The following ATL2 variants were observed in gnomAD, a reference collection of about 807,000 sequenced individuals.
ATL2 encodes the protein atlastin-2.
In ATL2, 31 loss-of-function variants were observed where a neutral mutation model predicts 73.9. The ratio of observed to expected loss-of-function variants is 0.42; its 90% confidence interval spans 0.32 to 0.57. ATL2 has a LOEUF of 0.57. Among genes scored for constraint, ATL2 ranks in the 20% least tolerant of loss-of-function variants. The pLI is 0.14. For missense variants in ATL2, 738 were observed against 702.6 expected (o/e 1.05, Z -0.57); for synonymous variants, 291 against 237.5 (o/e 1.23, Z -2.07).
rs1666872253 is a variant in ATL2 at position 38,296,013 on chromosome 2, G to A, written c.1733C>T (p.Ala578Val). The A allele has an allele frequency of 2.6e-6, 4 of 1,550,682 alleles. No homozygotes were observed. The highest frequency in any genetic ancestry group is 3.5e-6 in the Non-Finnish European group (4 of 1,145,906). ...GAACTGTCAGTCTGTCTTTAATCTG[G>A]CATGATGAGACACCTGGTCAGTCAG... ...AGLTDQVSHH[A>V]RLKTD Residue 578 changes from alanine to valine, a missense_variant, in exon 13 of 13, where the codon GCC becomes GTC. Coordinates refer to ENST00000378954, the MANE Select transcript of ATL2 (RefSeq NM_001135673.4).
intron 2 of ATL2, among the ~76,000 whole-genome samples, chr2:38,320,839 CA>C (rs1483046599): frequency 1.3e-5 from 2 of 152,048 alleles, no homozygotes; most frequent in East Asian, 3.9e-4. Context: ...GTGGCAAAAA[CA>C]AAAACAAAAA....
chr2:38,314,331 T>A (rs1387365390), intron 6 of ATL2, among the ~76,000 whole-genome samples: 1 of 152,232 alleles, frequency 6.6e-6, no homozygotes, highest in Non-Finnish European at 1.5e-5. Context: ...TATTTCCTAT[T>A]GTCTTAAGTT....
chr2:38,365,368 G>C (rs1291598748), intron 1 of ATL2, among the ~76,000 whole-genome samples: 1 of 151,868 alleles, frequency 6.6e-6, no homozygotes, highest in Non-Finnish European at 1.5e-5. Context: ...TTTAAAAAAA[G>C]AGAAGGCCGG....
chr2:38,340,668 A>G (rs1669664363), intron 2 of ATL2, among the ~76,000 whole-genome samples: 1 of 152,212 alleles, frequency 6.6e-6, no homozygotes, highest in Admixed American at 6.5e-5. Context: ...ATACAGGTTA[A>G]TAAAATAAAT....
intron 2 of ATL2, among the ~76,000 whole-genome samples, chr2:38,335,644 T>C (rs1669314262): frequency 6.6e-6 from 1 of 151,894 alleles, no homozygotes; most frequent in African/African-American, 2.4e-5. Flanking sequence ...GGAAATGCTG[T>C]CTTGTTCTGA....
intron 2 of ATL2, among the ~76,000 whole-genome samples, chr2:38,334,451 C>A (rs1022085944): frequency 6.6e-6 from 1 of 151,806 alleles, no homozygotes; most frequent in African/African-American, 2.4e-5. Context: ...CCTGTAATCC[C>A]AGCACTTTGG....
chr2:38,369,472 G>C (rs1558461680), intron 1 of ATL2, among the ~76,000 whole-genome samples: 1 of 151,586 alleles, frequency 6.6e-6, no homozygotes, highest in Admixed American at 6.6e-5. Flanking sequence ...TTTTTTAGTA[G>C]AGACGGGGTT....
chr2:38,354,937 T>TA lies in ATL2; in HGVS notation c.119-11426dup, dbSNP rs528036515. Among the ~76,000 whole-genome samples, 131 of 151,652 alleles carry TA rather than the reference T, an allele frequency of 8.6e-4. 2 individuals are homozygous for TA. The highest frequency in any genetic ancestry group is 3.1e-3 in the African/African-American group (128 of 41,352). ...CCAATAAGAAACCAAAATAAAATAGTAAAAAATATTCAATGAACCCAAAGT... is the reference window on the plus strand; with the variant it reads ...CCAATAAGAAACCAAAATAAAATAGTAAAAAAATATTCAATGAACCCAAAGT... On this transcript the variant is annotated intron_variant, in intron 1 of 12. Coordinates refer to ENST00000378954, the MANE Select transcript of ATL2 (RefSeq NM_001135673.4).
At chr2:38,331,250 C>T (rs1668973036) in intron 2 of ATL2, among the ~76,000 whole-genome samples, 1 of 151,742 alleles carries the variant, frequency 6.6e-6, no homozygotes, top group Non-Finnish European at 1.5e-5. Context: ...CTGGCCAACT[C>T]GATGGTAAAA....
chr2:38,334,556 G>A lies in ATL2; in HGVS notation c.363+8712C>T, dbSNP rs1265896853. Among the ~76,000 whole-genome samples, 7 of 151,278 alleles carry A rather than the reference G, an allele frequency of 4.6e-5. No individual in the cohort carries two copies. In the East Asian group the frequency reaches 1.4e-3, roughly 30 times the overall value. On this transcript the variant is annotated intron_variant, in intron 2 of 12. Transcript: ENST00000378954. ...TCTACTAAAAATACAAAATTAGCCG[G>A]GCGTAGTGGTGCATGCCTGTAATCT...
At chr2:38,356,339 G>T (rs139252186) in intron 1 of ATL2, among the ~76,000 whole-genome samples, 2 of 151,732 alleles carry the variant, frequency 1.3e-5, no homozygotes, top group East Asian at 3.9e-4. Flanking sequence ...GACTACAAGC[G>T]TGAGCCAGCT....
chr2:38,300,247 C>T (rs1193796868), intron 10 of ATL2, 25 bp downstream of exon 10: 1 of 1,542,392 alleles, frequency 6.5e-7, no homozygotes, highest in Non-Finnish European at 8.9e-7. Flanking sequence ...ATATGTACAA[C>T]ACATATCACT....
chr2:38,373,475 A>C (rs539818453), intron 1 of ATL2, among the ~76,000 whole-genome samples: 65 of 152,328 alleles, frequency 4.3e-4, no homozygotes, highest in Non-Finnish European at 6.9e-4. Flanking sequence ...ACTGGTCCGA[A>C]GACCAAATCC....
At chr2:38,319,134 A>C in intron 2 of ATL2, 115 bp from the exon 3 acceptor site, 1 of 1,129,100 alleles carries the variant, frequency 8.9e-7, no homozygotes, top group South Asian at 1.5e-5. Flanking sequence ...AAGACAAAAA[A>C]AACACTGTGT....
intron 1 of ATL2, among the ~76,000 whole-genome samples, chr2:38,370,527 T>C (rs1272710512): frequency 1.3e-5 from 2 of 149,418 alleles, no homozygotes; most frequent in Non-Finnish European, 3.0e-5. Flanking sequence ...TCCCAGCACT[T>C]TGGGAGCCCA....
chr2:38,364,382 A>G (rs1353821327), intron 1 of ATL2, among the ~76,000 whole-genome samples: 1 of 152,240 alleles, frequency 6.6e-6, no homozygotes, highest in Non-Finnish European at 1.5e-5. Context: ...TGTGTTGCAG[A>G]GATAAACTCA....
chr2:38,341,699 C>A (rs549163900), intron 2 of ATL2, among the ~76,000 whole-genome samples: 1 of 152,178 alleles, frequency 6.6e-6, no homozygotes, highest in African/African-American at 2.4e-5. Flanking sequence ...TCTCAATGTC[C>A]CAAACATGTA....
chr2:38,377,175 G>A lies in ATL2; in HGVS notation c.86C>T (p.Ala29Val). 2 of 1,610,804 alleles carry A rather than the reference G, an allele frequency of 1.2e-6. No individual in the cohort carries two copies. The highest frequency in any genetic ancestry group is 1.7e-6 in the Non-Finnish European group (2 of 1,179,392). ...RRRRTSDPSA[A>V]VNHVSSTTSL... ...GGTCGTGGACGAGACGTGGTTAACC[G>A]CGGCGCTTGGGTCGCTGGTCCGTCG... Residue 29 changes from alanine (A) to valine (V), a missense_variant, in exon 1 of 13, where the codon GCG becomes GTG. Physicochemically the swap from Ala to Val is moderately conservative, Grantham distance 64 (BLOSUM62 0). Transcript: ENST00000378954.
chr2:38,358,565 G>A (rs773083682), intron 1 of ATL2: 113 of 328,916 alleles, frequency 3.4e-4, no homozygotes, highest in Non-Finnish European at 5.9e-4. Context: ...GGTGGCAGGC[G>A]CCTGTAGTCC....
Sources: gnomAD v4.1 joint callset for allele counts (sites outside exome capture counted in the v4.1 genomes callset) on GRCh38, gnomAD v4.1.1 for gene constraint, MANE v1.5 for transcripts, NCBI Gene and HGNC (gene_info 2026-07-23, HGNC 2026-07-21) for gene names.